The following LRP1B variants were observed in gnomAD, a reference collection of about 807,000 sequenced individuals.
The protein encoded by LRP1B is LDL receptor related protein 1B, also known as low-density lipoprotein receptor-related protein 1B.
In LRP1B, 217 loss-of-function variants were observed where a neutral mutation model predicts 556.6. The ratio of observed to expected loss-of-function variants is 0.39; its 90% CI spans 0.35 to 0.44. LRP1B has a LOEUF of 0.44. LRP1B is among the 20% of genes least tolerant of loss of function. The pLI is 1.00. For missense variants in LRP1B, 5,053 were observed against 5,620.8 expected (o/e 0.90, Z 3.23); for synonymous variants, 2,047 against 1,865.8 (o/e 1.10, Z -2.50).
At chr2:141,509,909 G>T (rs9287320) in intron 2 of LRP1B, among the ~76,000 whole-genome samples, 148,290 of 152,216 alleles carry the variant, frequency 0.97, 72,346 homozygotes, top group East Asian at 1. Context: ...GACAACTAAA[G>T]GACTTCATGA....
chr2:141,093,805 C>G (rs1052606598), intron 7 of LRP1B, among the ~76,000 whole-genome samples: 16 of 152,112 alleles, frequency 1.1e-4, no homozygotes, highest in East Asian at 9.7e-4. Context: ...ACCTCCACCC[C>G]CCGGGTTCAA....
At chr2:141,998,982 G>A (rs1384657269) in intron 1 of LRP1B, among the ~76,000 whole-genome samples, 1 of 152,142 alleles carries the variant, frequency 6.6e-6, no homozygotes, top group Non-Finnish European at 1.5e-5. Flanking sequence ...TCTACAGAAT[G>A]TAAATATTCC....
intron 1 of LRP1B, among the ~76,000 whole-genome samples, chr2:141,977,286 A>G (rs1244911238): frequency 1.3e-5 from 2 of 152,146 alleles, no homozygotes; most frequent in East Asian, 3.9e-4. Context: ...TTATACTGAA[A>G]GGCCACTGGG....
chr2:140,414,501 G>A (rs1363136577), intron 66 of LRP1B, among the ~76,000 whole-genome samples: 1 of 152,114 alleles, frequency 6.6e-6, no homozygotes, highest in African/African-American at 2.4e-5. Flanking sequence ...AATATGCCCT[G>A]GTTGAGGTAA....
At chr2:140,323,687 ATGCTGAACATTT>A (rs1297714717) in intron 81 of LRP1B, among the ~76,000 whole-genome samples, 194 bp downstream of exon 81, 1 of 152,004 alleles carries the variant, frequency 6.6e-6, no homozygotes, top group African/African-American at 2.4e-5. Flanking sequence ...ACATGGCCAA[ATGCTGAACATTT>A]TCCCAATTAC....
rs355537 is a variant in LRP1B at position 141,665,736 on chromosome 2, C to T, written c.205+144543G>A. ...TGTGGTACATATATACCATGGAATA[C>T]TATGCAGACATAAAAAGGAATGAGA... is the stretch of plus-strand genomic sequence containing the variant. On this transcript the variant is annotated intron_variant, in intron 2 of 90. Transcript: ENST00000389484. Among the ~76,000 whole-genome samples, 370 of 152,244 alleles carry T rather than the reference C, an allele frequency of 2.4e-3. 2 individuals carry two copies. The highest frequency in any genetic ancestry group is 8.0e-3 in the African/African-American group (332 of 41,548).
At chr2:141,556,696 A>G (rs984598388) in intron 2 of LRP1B, among the ~76,000 whole-genome samples, 1 of 151,900 alleles carries the variant, frequency 6.6e-6, no homozygotes, top group African/African-American at 2.4e-5. Context: ...TGAGAGTTTA[A>G]ATCAGGTAAA....
intron 1 of LRP1B, among the ~76,000 whole-genome samples, chr2:142,091,621 T>A (rs574989619): frequency 1.3e-5 from 2 of 152,300 alleles, no homozygotes; most frequent in East Asian, 3.9e-4. Context: ...TGAAAACCCC[T>A]ATTAGTTAAT....
chr2:140,267,428 A>G (rs1682257431), intron 86 of LRP1B, among the ~76,000 whole-genome samples: 2 of 151,980 alleles, frequency 1.3e-5, no homozygotes, highest in Non-Finnish European at 2.9e-5. Context: ...GTTTGCATAT[A>G]AGCTATGCAC....
At chr2:141,513,041 G>A (rs991372541) in intron 2 of LRP1B, among the ~76,000 whole-genome samples, 18 of 152,048 alleles carry the variant, frequency 1.2e-4, no homozygotes, top group African/African-American at 3.9e-4. Flanking sequence ...GTCCTACAAT[G>A]TGTCTACCTC....
chr2:140,714,043 C>G (rs1687127578), intron 37 of LRP1B, among the ~76,000 whole-genome samples: 1 of 152,070 alleles, frequency 6.6e-6, no homozygotes. Flanking sequence ...TTTATTGTGC[C>G]TGAAAATAAG....
intron 29 of LRP1B, 148 bp from the exon 30 acceptor site, chr2:140,841,240 TA>T: frequency 1.8e-6 from 1 of 553,544 alleles, no homozygotes; most frequent in East Asian, 3.0e-5. Context: ...CTCATTCCCT[TA>T]TCAGCCCTTC....
At chr2:141,926,548 T>C (rs1169352153) in intron 1 of LRP1B, among the ~76,000 whole-genome samples, 1 of 152,152 alleles carries the variant, frequency 6.6e-6, no homozygotes, top group African/African-American at 2.4e-5. Flanking sequence ...TTCCAACCTA[T>C]TAGATAGCTC....
chr2:142,026,944 G>A (rs1041051935), intron 1 of LRP1B, among the ~76,000 whole-genome samples: 1 of 151,972 alleles, frequency 6.6e-6, no homozygotes, highest in Non-Finnish European at 1.5e-5. Context: ...AGAAACATGA[G>A]CACTCAGCCA....
At chr2:141,364,270 A>AACACACACACAC (rs35479321) in intron 3 of LRP1B, among the ~76,000 whole-genome samples, 493 of 148,720 alleles carry the variant, frequency 3.3e-3, no homozygotes, top group African/African-American at 9.7e-3. Flanking sequence ...TGGAGGAAAT[A>AACACACACACAC]ACACACACAC....
chr2:142,088,370 TA>T (rs1706025925), intron 1 of LRP1B, among the ~76,000 whole-genome samples: 2 of 152,222 alleles, frequency 1.3e-5, no homozygotes, highest in Non-Finnish European at 2.9e-5. Flanking sequence ...GTATATTGCG[TA>T]ACTAGTGTTG....
chr2:140,240,853 G>A (rs1375515679), intron 87 of LRP1B, among the ~76,000 whole-genome samples: 1 of 150,874 alleles, frequency 6.6e-6, no homozygotes, highest in Non-Finnish European at 1.5e-5. Context: ...ATGGTGATAT[G>A]CACAATAACC....
At chr2:140,390,806 A>ACAC (rs879372888) in intron 66 of LRP1B, among the ~76,000 whole-genome samples, 5 of 146,720 alleles carry the variant, frequency 3.4e-5, no homozygotes, top group South Asian at 2.2e-4. Context: ...ACACACACAC[A>ACAC]ACATATTTGA....
At chr2:141,263,805 G>A (rs1684788514) in intron 3 of LRP1B, among the ~76,000 whole-genome samples, 2 of 152,072 alleles carry the variant, frequency 1.3e-5, no homozygotes, top group Non-Finnish European at 2.9e-5. Flanking sequence ...ATGTCATGGT[G>A]ATGCCAGGCT....
Sources: gnomAD v4.1 joint callset for allele counts (sites outside exome capture counted in the v4.1 genomes callset) on GRCh38, gnomAD v4.1.1 for gene constraint, MANE v1.5 for transcripts, NCBI Gene and HGNC (gene_info 2026-07-23, HGNC 2026-07-21) for gene names.